Variants in ZNF695 observed in about 807,000 individuals in gnomAD.
ZNF695 encodes zinc finger protein 695, also known as zinc finger protein SBZF3.
Under a neutral mutation model 11.2 loss-of-function variants are expected in ZNF695, and 11 were observed. The ratio of observed to expected loss-of-function variants is 0.98; its 90% CI spans 0.62 to 1.62. ZNF695 has a LOEUF of 1.62. Ranked by LOEUF, ZNF695 falls within the 40% of genes most tolerant of loss-of-function variation. ZNF695 has a pLI of 0.00. For synonymous variants in ZNF695, 190 were observed against 201.4 expected (o/e 0.94, Z 0.48); for missense variants, 559 against 590.5 (o/e 0.95, Z 0.55).
At position 246,986,605 on chromosome 1, in the gene ZNF695, T is replaced by A; in HGVS notation, c.*362A>T. ...AAAACAGTTTTTAGTGTGAACACTC[T>A]GGTGTTTTCTGAGGTATATTTTTTG... is the stretch of plus-strand genomic sequence containing the variant. On this transcript the variant is annotated 3_prime_UTR_variant, in exon 4 of 4. Coordinates refer to ENST00000339986, the MANE Select transcript of ZNF695 (RefSeq NM_020394.5). 9.9e-7 allele frequency: 1 copy of A among 1,014,602 alleles called. No individual in the cohort carries two copies. The allele number at this position is 1,014,602 out of a possible 1,614,324, so 62.8% of individuals were successfully genotyped here. A position where few individuals can be genotyped will look rare whatever the true frequency, so the allele number is the denominator to read the frequency against.
At chr1:247,007,792 A>G in intron 1 of ZNF695, 114 bp downstream of exon 1, 1 of 1,264,634 alleles carries the variant, frequency 7.9e-7, no homozygotes, top group Non-Finnish European at 1.0e-6. Flanking sequence ...TCGGCCGCAC[A>G]CTCCGGAGCC....
downstream of ZNF695, among the ~76,000 whole-genome samples, chr1:246,981,593 A>T (rs1668713175): frequency 6.6e-6 from 1 of 152,188 alleles, no homozygotes; most frequent in African/African-American, 2.4e-5. Flanking sequence ...ACAGGAACTC[A>T]GGTATTTACC....
chr1:246,984,426 G>A (rs947611197), downstream of ZNF695, among the ~76,000 whole-genome samples: 1 of 152,124 alleles, frequency 6.6e-6, no homozygotes, highest in Non-Finnish European at 1.5e-5. Flanking sequence ...CCTGGGTAGA[G>A]AAGTCCTTTC....
chr1:246,982,478 T>C (rs2103019520), downstream of ZNF695, among the ~76,000 whole-genome samples: 1 of 152,308 alleles, frequency 6.6e-6, no homozygotes, highest in Admixed American at 6.5e-5. Flanking sequence ...TCTTCAGAGA[T>C]TTCCAAATTC....
At chr1:246,945,879 G>C in intron 5 of ZNF695, 1 of 1,546,742 alleles carries the variant, frequency 6.5e-7, no homozygotes, top group Non-Finnish European at 8.7e-7. Context: ...TAGCTCCTTG[G>C]GATATGATTT....
At chr1:246,969,685 G>A (rs1376932789) in intron 4 of ZNF695, 2 of 152,188 alleles carry the variant, frequency 1.3e-5, no homozygotes, top group South Asian at 4.1e-4. Context: ...TAATCTGTAA[G>A]GAAAAGAGAT....
chr1:246,953,263 A>G (rs1225013921), intron 5 of ZNF695, among the ~76,000 whole-genome samples: 2 of 152,154 alleles, frequency 1.3e-5, no homozygotes, highest in Non-Finnish European at 2.9e-5. Context: ...GTCATTACAA[A>G]TTGTAAATTT....
intron 5 of ZNF695, among the ~76,000 whole-genome samples, chr1:246,953,737 A>G (rs544217632): frequency 6.6e-6 from 1 of 152,182 alleles, no homozygotes; most frequent in Non-Finnish European, 1.5e-5. Flanking sequence ...AGCCTGACCA[A>G]CGTGGTAAAA....
Position 246,997,181 on chromosome 1 carries a change from G to A in ZNF695, c.259+2167C>T, listed in dbSNP as rs367939635. On this transcript the variant is annotated intron_variant, in intron 3 of 3. Transcript: ENST00000339986. Reference sequence around the variant, plus strand: ...GTTTGAGACCAGCCTGGGCAGGAGTGAGAACCCATCTATATAAAAAATAAA... The same window carrying A: ...GTTTGAGACCAGCCTGGGCAGGAGTAAGAACCCATCTATATAAAAAATAAA... Among the ~76,000 whole-genome samples, 566 of 152,208 alleles carry A rather than the reference G, an allele frequency of 3.7e-3. 5 individuals are homozygous for A. The highest frequency in any genetic ancestry group is 0.012 in the African/African-American group (515 of 41,516).
chr1:246,962,896 C>T (rs1170994639), intron 5 of ZNF695, among the ~76,000 whole-genome samples: 6 of 152,106 alleles, frequency 3.9e-5, no homozygotes, highest in Admixed American at 3.9e-4. Context: ...CCGGGATGGT[C>T]TTGATCTCCT....
intron 4 of ZNF695, among the ~76,000 whole-genome samples, chr1:246,978,325 A>C (rs1213571006): frequency 6.6e-6 from 1 of 152,264 alleles, no homozygotes; most frequent in Non-Finnish European, 1.5e-5. Context: ...TTGATTACTT[A>C]TGACTTTGTA....
chr1:247,006,224 CA>C (rs1459530224), intron 1 of ZNF695, among the ~76,000 whole-genome samples: 5 of 51,826 alleles, frequency 9.6e-5, no homozygotes, highest in Non-Finnish European at 1.2e-4. Context: ...GACTCTGTCT[CA>C]AAAAAAAAAG....
At chr1:246,980,426 T>C (rs1668677700), downstream of ZNF695, among the ~76,000 whole-genome samples, 2 of 150,978 alleles carry the variant, frequency 1.3e-5, no homozygotes, top group Non-Finnish European at 3.0e-5. Flanking sequence ...ACTTTTTTTT[T>C]TTTTTTTTGA....
intron 5 of ZNF695, among the ~76,000 whole-genome samples, chr1:246,967,231 C>A (rs1286736272): frequency 6.6e-5 from 10 of 152,174 alleles, no homozygotes; most frequent in African/African-American, 2.4e-4. Flanking sequence ...AGCCACCACA[C>A]CCAGCCTAAA....
chr1:246,984,907 GT>G (rs1055087906), downstream of ZNF695, among the ~76,000 whole-genome samples: 2 of 152,086 alleles, frequency 1.3e-5, no homozygotes, highest in African/African-American at 4.8e-5. Context: ...AAAATTATAC[GT>G]TAGCTCTAGC....
At chr1:246,973,486 C>A (rs1160197506) in intron 4 of ZNF695, among the ~76,000 whole-genome samples, 2 of 152,180 alleles carry the variant, frequency 1.3e-5, no homozygotes, top group Admixed American at 6.5e-5. Context: ...TACTTGCGAC[C>A]AGCAATTATC....
intron 3 of ZNF695, among the ~76,000 whole-genome samples, chr1:246,988,498 G>A (rs1009742458): frequency 9.9e-5 from 15 of 152,106 alleles, no homozygotes; most frequent in African/African-American, 3.1e-4. Flanking sequence ...ACGCCTCACT[G>A]CAGACTTTTC....
At chr1:246,956,076 C>T (rs1021006241) in intron 5 of ZNF695, among the ~76,000 whole-genome samples, 76 of 151,254 alleles carry the variant, frequency 5.0e-4, no homozygotes, top group African/African-American at 1.7e-3. Context: ...GCAACCTCCA[C>T]CTCCTGGGTT....
intron 1 of ZNF695, among the ~76,000 whole-genome samples, chr1:247,002,799 G>A (rs921994715): frequency 1.3e-5 from 2 of 151,770 alleles, no homozygotes; most frequent in South Asian, 4.2e-4. Flanking sequence ...AAAAGGGGGG[G>A]GCAGCAAAGG....
Sources: allele counts gnomAD v4.1 joint callset (sites outside exome capture counted in the v4.1 genomes callset), GRCh38; gene constraint gnomAD v4.1.1; transcripts MANE v1.5; gene names NCBI Gene and HGNC (gene_info 2026-07-23, HGNC 2026-07-21).